Variants in ADAMTS18 observed in about 807,000 individuals in gnomAD.
ADAMTS18 encodes the protein A disintegrin and metalloproteinase with thrombospondin motifs 18.
A neutral mutation model predicts 165.9 loss-of-function variants in ADAMTS18; 157 were observed. That is an observed-to-expected ratio of 0.95 (90% confidence interval 0.83 to 1.08). The LOEUF (loss-of-function observed/expected upper bound fraction) is 1.08. ADAMTS18 is among the 50% of genes least tolerant of loss of function. ADAMTS18 has a pLI of 0.00. For synonymous variants in ADAMTS18, 782 were observed against 578.2 expected, an observed-to-expected ratio of 1.35 and a Z score of -5.06; for missense variants, 2,040 against 1,534.0, an observed-to-expected ratio of 1.33 and a Z score of -5.51.
intron 12 of ADAMTS18, among the ~76,000 whole-genome samples, chr16:77,332,811 T>C (rs1330846785): frequency 2.0e-5 from 3 of 152,190 alleles, no homozygotes; most frequent in Admixed American, 6.5e-5. Context: ...CCACAGCTGA[T>C]TTGACTAGTT....
rs1383690680 is a variant in ADAMTS18 at position 77,294,936 on chromosome 16, C to G, written c.2993G>C (p.Gly998Ala). The G allele has an allele frequency of 5.0e-6, 8 of 1,614,014 alleles. No individual in the cohort carries two copies. In the East Asian group the frequency reaches 6.7e-5, roughly 13 times the overall value. Residue 998 changes from glycine to alanine, a missense_variant, in exon 19 of 23, where the codon GGA becomes GCA. Gly to Ala is a moderately conservative substitution (Grantham distance 60). Transcript: ENST00000282849. ...TTCTCCTGTTACCTGAGACCAGGGT[C>G]CAAGGCTCCATTGTGGAGGGCAGGC... ...SHACPPQWSL[G>A]PWSQCSKTCG...
intron 11 of ADAMTS18, 141 bp from the exon 12 acceptor site, chr16:77,336,045 G>A: frequency 9.8e-7 from 1 of 1,022,122 alleles, no homozygotes; most frequent in Non-Finnish European, 1.5e-6. Flanking sequence ...AAATTCCTCT[G>A]CTGTGCTCTA....
intron 8 of ADAMTS18, among the ~76,000 whole-genome samples, chr16:77,356,950 T>TA (rs965207404): frequency 1.1e-4 from 16 of 150,144 alleles, no homozygotes; most frequent in African/African-American, 3.9e-4. Context: ...TGATCTTCTC[T>TA]AAAAAATTCA....
At chr16:77,399,960 G>C (rs1003909296) in intron 3 of ADAMTS18, among the ~76,000 whole-genome samples, 1 of 152,136 alleles carries the variant, frequency 6.6e-6, no homozygotes, top group African/African-American at 2.4e-5. Context: ...TGGCTTATAT[G>C]AACATCTTGC....
intron 14 of ADAMTS18, among the ~76,000 whole-genome samples, chr16:77,321,755 G>A (rs1361682964): frequency 6.6e-6 from 1 of 152,170 alleles, no homozygotes; most frequent in African/African-American, 2.4e-5. Flanking sequence ...CAACTCCTGT[G>A]CAAAGCAGGA....
chr16:77,351,330 C>A (rs1271231031), intron 10 of ADAMTS18, among the ~76,000 whole-genome samples: 2 of 152,130 alleles, frequency 1.3e-5, no homozygotes, highest in Non-Finnish European at 2.9e-5. Flanking sequence ...TTGGAATTTT[C>A]ATTTCTCTTT....
chr16:77,295,780 G>C (rs1434062153), intron 18 of ADAMTS18, among the ~76,000 whole-genome samples: 1 of 151,922 alleles, frequency 6.6e-6, no homozygotes, highest in Admixed American at 6.5e-5. Flanking sequence ...AAATTTGCCA[G>C]ACCAGTTTTT....
At chr16:77,429,628 C>G (rs141918969) in intron 3 of ADAMTS18, among the ~76,000 whole-genome samples, 44 of 152,230 alleles carry the variant, frequency 2.9e-4, no homozygotes, top group African/African-American at 7.9e-4. Flanking sequence ...AATCTTCATA[C>G]AGAAAAATTT....
intron 10 of ADAMTS18, among the ~76,000 whole-genome samples, chr16:77,343,248 A>G (rs530147123): frequency 7.2e-5 from 11 of 152,104 alleles, no homozygotes; most frequent in African/African-American, 2.4e-4. Context: ...CACTTTTTGT[A>G]TTTTTAGTAG....
chr16:77,406,492 CAATA>C (rs1206619673), intron 3 of ADAMTS18, among the ~76,000 whole-genome samples: 1 of 151,938 alleles, frequency 6.6e-6, no homozygotes, highest in East Asian at 1.9e-4. Context: ...CTACAATAAA[CAATA>C]AATAAATAAA....
At chr16:77,372,719 T>C (rs944366264) in intron 3 of ADAMTS18, among the ~76,000 whole-genome samples, 16 of 152,206 alleles carry the variant, frequency 1.1e-4, no homozygotes, top group Non-Finnish European at 2.1e-4. Flanking sequence ...CCAGCCATCA[T>C]ATCTTCAGGA....
chr16:77,421,451 T>A (rs2057601819), intron 3 of ADAMTS18, among the ~76,000 whole-genome samples: 1 of 152,258 alleles, frequency 6.6e-6, no homozygotes, highest in Non-Finnish European at 1.5e-5. Flanking sequence ...TCATTAGGCC[T>A]GTTTATATTT....
rs143823794 is a variant in ADAMTS18 at position 77,417,760 on chromosome 16, T to C, written c.495+13535A>G. ...TAAAGTATAATAATAATCATCATCA[T>C]AATAAAAAAAGTGTAAGTGGCCCAA... On this transcript the variant is annotated intron_variant, in intron 3 of 22. Coordinates refer to ENST00000282849, the MANE Select transcript of ADAMTS18 (RefSeq NM_199355.4). Among the ~76,000 whole-genome samples, 1,159 of 152,288 alleles carry C rather than the reference T, an allele frequency of 7.6e-3. 15 individuals are homozygous for C. Among genetic ancestry groups the C allele is most frequent in the African/African-American group, 0.027 (1,101 of 41,544 alleles).
chr16:77,425,785 G>A (rs1162180411), intron 3 of ADAMTS18, among the ~76,000 whole-genome samples: 1 of 152,108 alleles, frequency 6.6e-6, no homozygotes, highest in Non-Finnish European at 1.5e-5. Context: ...GCTCACACCT[G>A]TAATTCTGGC....
intron 3 of ADAMTS18, among the ~76,000 whole-genome samples, chr16:77,383,805 C>G (rs76004310): frequency 4.6e-5 from 7 of 152,164 alleles, no homozygotes; most frequent in Admixed American, 2.0e-4. Context: ...CCTCCCAAAG[C>G]GCTGGGATTA....
Position 77,294,979 on chromosome 16 carries a change from G to C in ADAMTS18, c.2950C>G (p.Gln984Glu), listed in dbSNP as rs747219080. ...GGGCAGGCATGGCTGTTGCAGGCTT[G>C]GACCTGAGTGGGTGTGCTCACTGGA... ...LCPVSTPTQV[Q>E]ACNSHACPPQ... Residue 984 changes from glutamine (Q) to glutamate (E), a missense_variant, in exon 19 of 23, where the codon CAA becomes GAA. Coordinates refer to ENST00000282849, the MANE Select transcript of ADAMTS18 (RefSeq NM_199355.4). 9.9e-6 allele frequency: 16 copies of C among 1,614,018 alleles called. No individual in the cohort carries two copies. Among genetic ancestry groups the C allele is most frequent in the Non-Finnish European group, 1.4e-5 (16 of 1,180,024 alleles).
At chr16:77,397,600 T>C (rs1179657995) in intron 3 of ADAMTS18, among the ~76,000 whole-genome samples, 1 of 152,158 alleles carries the variant, frequency 6.6e-6, no homozygotes, top group Non-Finnish European at 1.5e-5. Flanking sequence ...AACTGCCCAC[T>C]ATACAGAGCA....
intron 3 of ADAMTS18, among the ~76,000 whole-genome samples, chr16:77,389,820 T>A (rs1289492288): frequency 6.6e-6 from 1 of 152,198 alleles, no homozygotes; most frequent in Non-Finnish European, 1.5e-5. Context: ...ATTTGATTTT[T>A]TAAGCATAGA....
intron 3 of ADAMTS18, among the ~76,000 whole-genome samples, chr16:77,422,924 C>T (rs1057046904): frequency 6.6e-6 from 1 of 152,140 alleles, no homozygotes; most frequent in African/African-American, 2.4e-5. Flanking sequence ...AACAACTCTC[C>T]CAGAGAGGTT....
Sources: allele counts gnomAD v4.1 joint callset (sites outside exome capture counted in the v4.1 genomes callset), GRCh38; gene constraint gnomAD v4.1.1; transcripts MANE v1.5; gene names NCBI Gene and HGNC (gene_info 2026-07-23, HGNC 2026-07-21).